TTBK2: variants seen among roughly 807,000 people sequenced by gnomAD.
TTBK2 encodes the protein tau tubulin kinase 2.
In TTBK2, 28 loss-of-function variants were observed where a neutral mutation model predicts 110.8. That is an observed-to-expected ratio of 0.25 (90% confidence interval 0.19 to 0.35). The LOEUF (loss-of-function observed/expected upper bound fraction) is 0.35, where lower values mean the gene tolerates loss of function less well. TTBK2 is among the 10% of genes least tolerant of loss of function. The pLI, the probability that TTBK2 is intolerant of heterozygous loss-of-function variation, is 1.00. For missense variants in TTBK2, 1,369 were observed against 1,500.3 expected (o/e 0.91, Z 1.45); for synonymous variants, 532 against 527.3 (o/e 1.01, Z -0.12).
chr15:42,865,324 G>C (rs1253057068), intron 3 of TTBK2, among the ~76,000 whole-genome samples: 1 of 152,060 alleles, frequency 6.6e-6, no homozygotes, highest in East Asian at 1.9e-4. Flanking sequence ...GATGGGCACA[G>C]TGGCACGCAT....
chr15:42,760,403 AC>A lies in TTBK2; in HGVS notation c.1999-7157del, dbSNP rs370877514. ...CCATCTCAAAAAAAAAAAAAAAAAAACAAAAAAAGAATTCAATGAATGAAAT... is the reference window on the plus strand; with the variant it reads ...CCATCTCAAAAAAAAAAAAAAAAAAAAAAAAAAGAATTCAATGAATGAAAT... On this transcript the variant is annotated intron_variant, in intron 13 of 14. Transcript: ENST00000267890. Among the ~76,000 whole-genome samples, 614 of 131,994 alleles carry A rather than the reference AC, an allele frequency of 4.7e-3. 4 individuals are homozygous for A. Among genetic ancestry groups the A allele is most frequent in the African/African-American group, 0.014 (484 of 33,480 alleles). 86.6% of individuals were successfully genotyped at this position (131,994 alleles called of 152,430 possible).
At chr15:42,854,972 C>A (rs114460809) in intron 3 of TTBK2, 1 of 152,256 alleles carries the variant, frequency 6.6e-6, no homozygotes, top group African/African-American at 2.4e-5. Context: ...TATAAAGATA[C>A]TTTGTGCTGT....
At chr15:42,913,767 A>G (rs144320084) in intron 1 of TTBK2, among the ~76,000 whole-genome samples, 2 of 152,182 alleles carry the variant, frequency 1.3e-5, no homozygotes, top group African/African-American at 4.8e-5. Flanking sequence ...TTCTTCCCTT[A>G]TAGGAAGTAC....
chr15:42,889,147 C>A (rs1388151387), intron 1 of TTBK2, among the ~76,000 whole-genome samples: 1 of 152,174 alleles, frequency 6.6e-6, no homozygotes, highest in Non-Finnish European at 1.5e-5. Flanking sequence ...AGTGTTCCAT[C>A]TGCTATTCTA....
chr15:42,902,129 C>A (rs367920643), intron 1 of TTBK2, among the ~76,000 whole-genome samples: 1 of 150,434 alleles, frequency 6.6e-6, no homozygotes, highest in African/African-American at 2.5e-5. Context: ...GGCAGGAGAA[C>A]TGCCTGAACC....
At chr15:42,781,752 G>A (rs1890188798) in intron 11 of TTBK2, among the ~76,000 whole-genome samples, 1 of 152,076 alleles carries the variant, frequency 6.6e-6, no homozygotes, top group African/African-American at 2.4e-5. Flanking sequence ...CATAGTATGT[G>A]TGATTTCAAT....
chr15:42,823,944 C>G (rs1892420156), intron 6 of TTBK2, among the ~76,000 whole-genome samples: 1 of 152,148 alleles, frequency 6.6e-6, no homozygotes, highest in Non-Finnish European at 1.5e-5. Flanking sequence ...ATGGCACCAG[C>G]ATCTGCTTCT....
intron 14 of TTBK2, among the ~76,000 whole-genome samples, chr15:42,747,633 G>A (rs2061812657): frequency 6.6e-6 from 1 of 152,228 alleles, no homozygotes; most frequent in Non-Finnish European, 1.5e-5. Context: ...ATAGGAGGCG[G>A]AGCTCAGGCG....
At chr15:42,918,120 G>A (rs2031180439) in intron 1 of TTBK2, among the ~76,000 whole-genome samples, 1 of 151,908 alleles carries the variant, frequency 6.6e-6, no homozygotes, top group Non-Finnish European at 1.5e-5. Flanking sequence ...CTGTCACCCA[G>A]CCTGGAGTGC....
intron 4 of TTBK2, among the ~76,000 whole-genome samples, chr15:42,832,794 T>A (rs918056547): frequency 6.6e-6 from 1 of 152,172 alleles, no homozygotes; most frequent in Admixed American, 6.6e-5. Context: ...TACCTGCCCA[T>A]TAATCACTTA....
chr15:42,771,994 A>T (rs960841553), intron 13 of TTBK2, among the ~76,000 whole-genome samples: 1 of 152,134 alleles, frequency 6.6e-6, no homozygotes, highest in Non-Finnish European at 1.5e-5. Flanking sequence ...TCAAATAGGG[A>T]AGTATTCTGT....
At chr15:42,853,161 C>T (rs1465877443) in intron 3 of TTBK2, among the ~76,000 whole-genome samples, 2 of 152,130 alleles carry the variant, frequency 1.3e-5, no homozygotes, top group Non-Finnish European at 2.9e-5. Flanking sequence ...TCTCCTATAA[C>T]AGTAACAGTA....
At position 42,777,071 on chromosome 15, in the gene TTBK2, G is replaced by T; in HGVS notation, c.1369C>A (p.Leu457Met). 6.2e-7 allele frequency: 1 copy of T among 1,614,138 alleles called. No individual in the cohort carries two copies. Among genetic ancestry groups the T allele is most frequent in the Non-Finnish European group, 8.5e-7 (1 of 1,180,020 alleles). ...TTGTCAGTGTCTGGCTTTGGCTCCA[G>T]GGTCAGACGTTTTTCCAGCTCAAAG... ...HSFELEKRLT[L>M]EPKPDTDKFL... The change falls in exon 12 of 15, where the codon CTG becomes ATG. Residue 457 changes from leucine to methionine, a missense_variant. Around this residue, in one of 4 missense-constraint regions of TTBK2, gnomAD observed 1,097 missense variants for 1,114.7 expected, o/e 0.98. Transcript: ENST00000267890.
chr15:42,794,127 A>C (rs1890828826), intron 10 of TTBK2, among the ~76,000 whole-genome samples: 1 of 151,696 alleles, frequency 6.6e-6, no homozygotes, highest in South Asian at 2.1e-4. Flanking sequence ...GACAAATAAA[A>C]AAACAAAATA....
At chr15:42,825,671 C>T (rs767569540) in intron 6 of TTBK2, among the ~76,000 whole-genome samples, 12 of 152,090 alleles carry the variant, frequency 7.9e-5, no homozygotes, top group Non-Finnish European at 1.2e-4. Context: ...GTCGAGATGG[C>T]GCCATCGCAC....
At chr15:42,795,260 T>TTC (rs1890886692) in intron 9 of TTBK2, among the ~76,000 whole-genome samples, 1 of 151,266 alleles carries the variant, frequency 6.6e-6, no homozygotes, top group Non-Finnish European at 1.5e-5. Flanking sequence ...TTCCTTCATT[T>TTC]TTTTTTTTTT....
Position 42,859,610 on chromosome 15 carries a change from A to T in TTBK2, c.217+13001T>A, listed in dbSNP as rs553944275. 1.1e-4 allele frequency among the ~76,000 whole-genome samples: 16 copies of T among 152,260 alleles called. No individual in the cohort carries two copies. The East Asian group carries it at 2.9e-3, about 28-fold the overall frequency. ...TGGAATGCCTCCCCTCTCTCCACCCATTACCACATTACTAACAGTCTATTT... is the reference window on the plus strand; with the variant it reads ...TGGAATGCCTCCCCTCTCTCCACCCTTTACCACATTACTAACAGTCTATTT... On this transcript the variant is annotated intron_variant, in intron 3 of 14. Coordinates refer to ENST00000267890, the MANE Select transcript of TTBK2 (RefSeq NM_173500.4).
rs199727474 is a variant in TTBK2, at chr15:42,746,246, T to C, written c.3284A>G (p.Tyr1095Cys). 134 of 1,612,710 alleles carry C rather than the reference T, an allele frequency of 8.3e-5. No individual in the cohort carries two copies. The highest frequency in any genetic ancestry group is 2.2e-5 in the East Asian group (1 of 44,898). ...RPGVEARLRR[Y>C]KVLGSSNSDS... is the part of the protein sequence containing the mutation. ...GGAGTTACTACTCCCTAGGACTTTA[T>C]ATCTGCGTAGCCTTAAAAGAACAGA... The change falls in exon 15 of 15, where the codon TAT (tyrosine) becomes TGT (cysteine). Residue 1095 changes from tyrosine to cysteine, a missense_variant. Physicochemically the swap from Tyr to Cys is radical, Grantham distance 194. Coordinates refer to ENST00000267890, the MANE Select transcript of TTBK2 (RefSeq NM_173500.4).
At chr15:42,914,565 C>G (rs2030974738) in intron 1 of TTBK2, among the ~76,000 whole-genome samples, 1 of 151,972 alleles carries the variant, frequency 6.6e-6, no homozygotes, top group Non-Finnish European at 1.5e-5. Context: ...TTGGGAGAAT[C>G]CAAAGTAGAA....
Sources: gnomAD v4.1 joint callset for allele counts (sites outside exome capture counted in the v4.1 genomes callset) on GRCh38, gnomAD v4.1.1 for gene constraint, gnomAD v4.1.1 regional missense constraint, MANE v1.5 for transcripts, NCBI Gene and HGNC (gene_info 2026-07-23, HGNC 2026-07-21) for gene names.